SLC71A2: variants seen among roughly 807,000 people sequenced by gnomAD.
The protein encoded by SLC71A2 is hippocampus abundant transcript-like 1.
At chr9:94,457,657 G>A in the SLC71A2 span, among the ~76,000 whole-genome samples, 13 of 152,282 alleles carry the variant, frequency 8.5e-5, no homozygotes, top group African/African-American at 2.2e-4. Flanking sequence ...GACAGACACC[G>A]TCCTGTCATT....
At chr9:94,377,473 A>C in the SLC71A2 span, among the ~76,000 whole-genome samples, 1 of 147,282 alleles carries the variant, frequency 6.8e-6, no homozygotes, top group Non-Finnish European at 1.5e-5. Context: ...GGGCTCAAGC[A>C]GTCCTCTCAC....
the SLC71A2 span, among the ~76,000 whole-genome samples, chr9:94,454,740 G>A: frequency 7.9e-5 from 12 of 152,096 alleles, no homozygotes; most frequent in Non-Finnish European, 1.2e-4. Context: ...ACTGATTATG[G>A]CAAGCTTCAC....
chr9:94,441,027 C>T, the SLC71A2 span: 2 of 1,610,942 alleles, frequency 1.2e-6, no homozygotes, highest in African/African-American at 2.7e-5. Flanking sequence ...TCTTCTCGGT[C>T]ACGTTTTCTG....
the SLC71A2 span, among the ~76,000 whole-genome samples, chr9:94,401,954 T>G: frequency 6.6e-6 from 1 of 152,234 alleles, no homozygotes; most frequent in Non-Finnish European, 1.5e-5. Flanking sequence ...CTCCCCCTTT[T>G]AGACCTATAG....
At chr9:94,424,786 C>T in the SLC71A2 span, among the ~76,000 whole-genome samples, 1 of 128,026 alleles carries the variant, frequency 7.8e-6, no homozygotes, top group East Asian at 2.3e-4. Flanking sequence ...GTTGCCCAGG[C>T]TGGGGTGCAG....
chr9:94,388,805 C>T, the SLC71A2 span, among the ~76,000 whole-genome samples: 1 of 151,984 alleles, frequency 6.6e-6, no homozygotes, highest in Non-Finnish European at 1.5e-5. Context: ...TTCTACTAAA[C>T]ATGTATAAGT....
At chr9:94,417,849 TCCCACCCCACCCCC>T in the SLC71A2 span, among the ~76,000 whole-genome samples, 13 of 51,626 alleles carry the variant, frequency 2.5e-4, no homozygotes, top group East Asian at 1.2e-3. Context: ...ATAGGCAAGT[TCCCACCCCACCCCC>T]CCCCCCCCCC....
chr9:94,384,269 G>A, the SLC71A2 span, among the ~76,000 whole-genome samples: 1 of 150,600 alleles, frequency 6.6e-6, no homozygotes, highest in South Asian at 2.1e-4. Flanking sequence ...ATCTTTTTGT[G>A]ATTGACTTAT....
chr9:94,458,475 C>A, the SLC71A2 span: 2 of 1,612,828 alleles, frequency 1.2e-6, no homozygotes. Flanking sequence ...GTAATTTGGT[C>A]ATAAGTCTAG....
chr9:94,446,849 T>C, the SLC71A2 span: 584 of 1,609,070 alleles, frequency 3.6e-4, 1 homozygote, highest in African/African-American at 6.8e-3. Context: ...GAAAAGATTC[T>C]ACTGTCTTAC....
the SLC71A2 span, among the ~76,000 whole-genome samples, chr9:94,389,739 T>C: frequency 6.6e-6 from 1 of 152,008 alleles, no homozygotes; most frequent in Non-Finnish European, 1.5e-5. Flanking sequence ...CTGGAGTAGC[T>C]AGGACTATAG....
the SLC71A2 span, among the ~76,000 whole-genome samples, chr9:94,416,698 T>C: frequency 6.6e-6 from 1 of 151,906 alleles, no homozygotes. Flanking sequence ...CTACTAAAAA[T>C]ACAAAATTAG....
the SLC71A2 span, among the ~76,000 whole-genome samples, chr9:94,442,941 T>A: frequency 6.6e-6 from 1 of 151,972 alleles, no homozygotes; most frequent in South Asian, 2.1e-4. Flanking sequence ...GAAGGTAGGT[T>A]GTTCAAGTTG....
At chr9:94,440,828 TCTTAA>T in the SLC71A2 span, among the ~76,000 whole-genome samples, 6 of 152,198 alleles carry the variant, frequency 3.9e-5, no homozygotes, top group African/African-American at 7.2e-5. Flanking sequence ...CTTCTTCCTG[TCTTAA>T]CTTAAATTTT....
At chr9:94,441,879 T>A in the SLC71A2 span, among the ~76,000 whole-genome samples, 3 of 152,220 alleles carry the variant, frequency 2.0e-5, no homozygotes, top group African/African-American at 7.2e-5. Context: ...GGCATTATGA[T>A]TATGTAGAAG....
At chr9:94,422,357 C>A in the SLC71A2 span, among the ~76,000 whole-genome samples, 152 of 152,248 alleles carry the variant, frequency 1.0e-3, no homozygotes, top group Middle Eastern at 3.4e-3. Flanking sequence ...GTCCTGGAAT[C>A]CTCTTAGCAA....
At chr9:94,396,475 A>G in the SLC71A2 span, among the ~76,000 whole-genome samples, 5 of 152,360 alleles carry the variant, frequency 3.3e-5, no homozygotes, top group South Asian at 1.0e-3. Context: ...AGATTGCACC[A>G]TTGCACTTCA....
the SLC71A2 span, chr9:94,446,799 T>G: frequency 8.1e-7 from 1 of 1,233,330 alleles, no homozygotes; most frequent in Non-Finnish European, 1.2e-6. Context: ...GCATTTTAAG[T>G]GTGTTCTTTC....
chr9:94,446,848 C>T, the SLC71A2 span: 2 of 1,608,676 alleles, frequency 1.2e-6, no homozygotes, highest in Non-Finnish European at 1.7e-6. Context: ...GGAAAAGATT[C>T]TACTGTCTTA....
Sources: allele counts gnomAD v4.1 joint callset (sites outside exome capture counted in the v4.1 genomes callset), GRCh38; gene constraint gnomAD v4.1.1; transcripts MANE v1.5; gene names NCBI Gene and HGNC (gene_info 2026-07-23, HGNC 2026-07-21).